The following RPS6KC1 variants were observed in gnomAD, a reference collection of about 807,000 sequenced individuals.
RPS6KC1 encodes ribosomal protein S6 kinase C1, also known as inactive ribosomal protein S6 kinase delta-1.
RPS6KC1 carries 54 observed loss-of-function variants against 103.8 expected under a neutral mutation model. That is an observed-to-expected ratio of 0.52 (90% CI 0.42 to 0.65). The LOEUF (loss-of-function observed/expected upper bound fraction) is 0.65. Ranked by LOEUF, RPS6KC1 falls within the 30% of genes least tolerant of loss-of-function variation. The pLI, the probability that RPS6KC1 is intolerant of heterozygous loss-of-function variation, is 0.00. For missense variants in RPS6KC1, 1,151 were observed against 1,253.8 expected (o/e 0.92, Z 1.24); for synonymous variants, 439 against 438.7 (o/e 1.00, Z -0.01).
At chr1:213,324,170 T>C in the RPS6KC1 span, among the ~76,000 whole-genome samples, 2 of 152,234 alleles carry the variant, frequency 1.3e-5, no homozygotes, top group South Asian at 2.1e-4. Context: ...AGAACAATTA[T>C]AGAGCTAAAT....
At chr1:213,475,729 G>A in the RPS6KC1 span, among the ~76,000 whole-genome samples, 2 of 152,200 alleles carry the variant, frequency 1.3e-5, no homozygotes, top group Non-Finnish European at 2.9e-5. Flanking sequence ...AGTCTTTCAA[G>A]CTCTAGAGTT....
the RPS6KC1 span, among the ~76,000 whole-genome samples, chr1:213,462,750 G>T: frequency 6.6e-6 from 1 of 152,156 alleles, no homozygotes; most frequent in East Asian, 1.9e-4. Context: ...GGGCCTGTTG[G>T]CGGGTGGTTG....
chr1:213,846,965 C>T, the RPS6KC1 span, among the ~76,000 whole-genome samples: 3 of 152,128 alleles, frequency 2.0e-5, no homozygotes, highest in African/African-American at 7.2e-5. Context: ...ACTTCACCCC[C>T]AAATGCTGTG....
At chr1:213,850,400 A>G in the RPS6KC1 span, among the ~76,000 whole-genome samples, 3 of 152,168 alleles carry the variant, frequency 2.0e-5, no homozygotes, top group African/African-American at 2.4e-5. Flanking sequence ...TTTCAATCCA[A>G]TGTTTTTAAC....
the RPS6KC1 span, among the ~76,000 whole-genome samples, chr1:213,627,034 G>A: frequency 6.6e-6 from 1 of 152,084 alleles, no homozygotes; most frequent in African/African-American, 2.4e-5. Flanking sequence ...CCATTTTCAC[G>A]ATACTGATTC....
rs60147631 is a variant in RPS6KC1, at chr1:213,179,791, G to A, written c.1044+3299G>A. ...TATTAATATCTAGACTGTAAGCTCT[G>A]TGAAAACAAAATTGTGTCTTTCTTG... On this transcript the variant is annotated intron_variant, in intron 8 of 14. Coordinates refer to ENST00000366960, the MANE Select transcript of RPS6KC1 (RefSeq NM_012424.6). 6.4e-3 allele frequency among the ~76,000 whole-genome samples: 979 copies of A among 152,270 alleles called. 14 individuals carry two copies. The highest frequency in any genetic ancestry group is 0.022 in the African/African-American group (907 of 41,548).
the RPS6KC1 span, among the ~76,000 whole-genome samples, chr1:213,656,156 A>C: frequency 6.6e-6 from 1 of 152,228 alleles, no homozygotes; most frequent in Non-Finnish European, 1.5e-5. Context: ...ACATGGGCAC[A>C]GAGAGGCCAT....
chr1:213,586,081 C>T, the RPS6KC1 span, among the ~76,000 whole-genome samples: 6 of 152,180 alleles, frequency 3.9e-5, no homozygotes, highest in African/African-American at 1.4e-4. Context: ...ATTCTTTGCT[C>T]CCTCTCTGAA....
At chr1:213,252,850 T>A (rs1488966705) in intron 12 of RPS6KC1, among the ~76,000 whole-genome samples, 1 of 152,202 alleles carries the variant, frequency 6.6e-6, no homozygotes, top group Non-Finnish European at 1.5e-5. Context: ...GCTATTTGGA[T>A]AAAGCATTAT....
the RPS6KC1 span, among the ~76,000 whole-genome samples, chr1:213,347,843 G>A: frequency 5.9e-5 from 9 of 152,162 alleles, no homozygotes; most frequent in East Asian, 1.9e-4. Context: ...CAGACATGAC[G>A]TACCCCCATC....
chr1:213,686,779 C>T, the RPS6KC1 span, among the ~76,000 whole-genome samples: 1 of 152,170 alleles, frequency 6.6e-6, no homozygotes, highest in Non-Finnish European at 1.5e-5. Context: ...TAAAGGAATA[C>T]AAGAATGCCT....
the RPS6KC1 span, among the ~76,000 whole-genome samples, chr1:213,604,537 T>A: frequency 3.3e-5 from 5 of 152,218 alleles, no homozygotes; most frequent in African/African-American, 1.2e-4. Context: ...CTGTGCCCCA[T>A]TTCTGGGAAT....
the RPS6KC1 span, among the ~76,000 whole-genome samples, chr1:213,540,138 G>GTTCTTGC: frequency 6.6e-6 from 1 of 152,032 alleles, no homozygotes; most frequent in African/African-American, 2.4e-5. Context: ...GTGAGATGGG[G>GTTCTTGC]TTCTTGCTTT....
At chr1:213,056,465 G>A (rs2077339338) in intron 1 of RPS6KC1, among the ~76,000 whole-genome samples, 1 of 152,182 alleles carries the variant, frequency 6.6e-6, no homozygotes, top group African/African-American at 2.4e-5. Flanking sequence ...ACACCTATGT[G>A]TCCCCACAAG....
At chr1:213,497,355 A>C in the RPS6KC1 span, among the ~76,000 whole-genome samples, 1 of 150,792 alleles carries the variant, frequency 6.6e-6, no homozygotes. Flanking sequence ...AAGCAATAAA[A>C]AGTTAAAAGT....
chr1:213,428,527 T>TTCCTTCCTTCCTTCCTTCCTTC, the RPS6KC1 span, among the ~76,000 whole-genome samples: 5 of 114,934 alleles, frequency 4.4e-5, no homozygotes, highest in African/African-American at 1.4e-4. Flanking sequence ...CCTCTTTCTC[T>TTCCTTCCTTCCTTCCTTCCTTC]CTCTCTCTCT....
chr1:213,723,439 C>T, the RPS6KC1 span, among the ~76,000 whole-genome samples: 4 of 152,150 alleles, frequency 2.6e-5, no homozygotes, highest in East Asian at 5.8e-4. Context: ...TCTTGGCTTT[C>T]AGCTGGCTGC....
chr1:213,446,311 T>A, the RPS6KC1 span, among the ~76,000 whole-genome samples: 1 of 152,334 alleles, frequency 6.6e-6, no homozygotes, highest in Non-Finnish European at 1.5e-5. Flanking sequence ...TAATTCCTCC[T>A]GGAGTTATTC....
At chr1:213,223,577 A>G (rs1366483018) in intron 8 of RPS6KC1, among the ~76,000 whole-genome samples, 1 of 152,184 alleles carries the variant, frequency 6.6e-6, no homozygotes, top group East Asian at 1.9e-4. Context: ...TATGGAGTAT[A>G]TATACACCAC....
Sources: gnomAD v4.1 joint callset for allele counts (sites outside exome capture counted in the v4.1 genomes callset) on GRCh38, gnomAD v4.1.1 for gene constraint, MANE v1.5 for transcripts, NCBI Gene and HGNC (gene_info 2026-07-23, HGNC 2026-07-21) for gene names.